Variants in TRIM7 observed in about 807,000 individuals in gnomAD.
TRIM7 encodes tripartite motif containing 7.
TRIM7 carries 32 observed loss-of-function variants against 37.9 expected under a neutral mutation model. The ratio of observed to expected loss-of-function variants is 0.84; its 90% CI spans 0.64 to 1.13. TRIM7 has a LOEUF of 1.13. Ranked by LOEUF, TRIM7 falls within the 50% of genes most tolerant of loss-of-function variation. TRIM7 has a pLI of 0.00. For missense variants in TRIM7, 732 were observed against 714.0 expected (o/e 1.03, Z -0.29); for synonymous variants, 351 against 321.3 (o/e 1.09, Z -0.99).
chr5:181,203,910 C>G (rs967810827), intron 1 of TRIM7: 21 of 1,187,384 alleles, frequency 1.8e-5, no homozygotes, highest in Non-Finnish European at 2.0e-5. Flanking sequence ...TACTCTCCGC[C>G]CCCCCACCAG....
At chr5:181,196,799 G>A (rs1305899499) in intron 6 of TRIM7, 2 of 152,218 alleles carry the variant, frequency 1.3e-5, no homozygotes, top group African/African-American at 2.4e-5. Context: ...CGGACGGTGA[G>A]AGATGGGTAT....
Position 181,204,779 on chromosome 5 carries a change from G to A in TRIM7, c.332C>T (p.Ala111Val). ...CTGAGACCCGTGCTCTCCCGGGGCA[G>A]CCGCGGGCAGGCTGAAGCGCCGCAG... Reference protein sequence around the residue: ...TLLRRFSLPAAAPGEHGSQAA... With the variant: ...TLLRRFSLPAVAPGEHGSQAA... The change falls in exon 1 of 7, where the codon GCT becomes GTT. Residue 111 changes from alanine (A) to valine (V), a missense_variant. Transcript: ENST00000274773. 7.0e-7 allele frequency: 1 copy of A among 1,429,264 alleles called. No homozygotes were observed. The highest frequency in any genetic ancestry group is 9.1e-7 in the Non-Finnish European group (1 of 1,100,712). The allele number at this position is 1,429,264 out of a possible 1,614,324, so 88.5% of individuals were successfully genotyped here. A position where few individuals can be genotyped will look rare whatever the true frequency, so the allele number is the denominator to read the frequency against.
chr5:181,199,768 C>G (rs968854391), intron 3 of TRIM7, 83 bp downstream of exon 3: 101 of 1,488,986 alleles, frequency 6.8e-5, no homozygotes, highest in Non-Finnish European at 8.7e-5. Context: ...CTCCTAGACC[C>G]CCCAGGACTG....
rs895188500 is a variant in TRIM7, at chr5:181,194,868, G to A, written c.*298C>T. On this transcript the variant is annotated 3_prime_UTR_variant, in exon 7 of 7. Coordinates refer to ENST00000274773, the MANE Select transcript of TRIM7 (RefSeq NM_203293.3). The stretch of plus-strand genomic sequence containing the variant: ...GAGCCAGGCACCCTTCCCAGTCAGG[G>A]CAGAAGCCCCCTGGAGAGCTGGGCT... 2 of 341,492 alleles carry A rather than the reference G, an allele frequency of 5.9e-6. No individual in the cohort carries two copies. Among genetic ancestry groups the A allele is most frequent in the South Asian group, 8.2e-5 (1 of 12,168 alleles). The allele number at this position is 341,492 out of a possible 1,614,324, so 21.2% of individuals were successfully genotyped here. A position where few individuals can be genotyped will look rare whatever the true frequency, so the allele number is the denominator to read the frequency against.
chr5:181,195,858 C>G (rs577774793), intron 6 of TRIM7, 181 bp from the exon 7 acceptor site: 3 of 661,108 alleles, frequency 4.5e-6, no homozygotes, highest in Non-Finnish European at 7.0e-6. Context: ...TGCTTCCCCC[C>G]GCCCCGACCA....
intron 2 of TRIM7, among the ~76,000 whole-genome samples, chr5:181,201,772 A>T (rs1757501903): frequency 6.6e-6 from 1 of 152,160 alleles, no homozygotes; most frequent in South Asian, 2.1e-4. Flanking sequence ...GTGGGGGTGG[A>T]TGGATGGATG....
intron 2 of TRIM7, 186 bp from the exon 3 acceptor site, chr5:181,200,267 G>T (rs986363806): frequency 6.8e-7 from 1 of 1,461,232 alleles, no homozygotes; most frequent in Non-Finnish European, 9.0e-7. Flanking sequence ...GCTGTAGTCT[G>T]GACACATGCT....
chr5:181,200,208 C>T, intron 2 of TRIM7, 127 bp from the exon 3 acceptor site: 6 of 1,574,080 alleles, frequency 3.8e-6, no homozygotes, highest in South Asian at 1.2e-5. Flanking sequence ...GACACACCCA[C>T]CTACGCACGC....
chr5:181,199,076 G>C lies in TRIM7; in HGVS notation c.872+19C>G, dbSNP rs746942365. On this transcript the variant is annotated intron_variant, in intron 4 of 6. Transcript: ENST00000274773. ...AAGAAGCAACTTAGAGAGGCCCCAG[G>C]AGCTGTGAGGTCACTCACCTGCTCA... The C allele has an allele frequency of 1.7e-5, 28 of 1,614,086 alleles. No individual in the cohort carries two copies. Among genetic ancestry groups the C allele is most frequent in the Non-Finnish European group, 2.1e-5 (25 of 1,180,024 alleles).
intron 3 of TRIM7, 110 bp from the exon 4 acceptor site, chr5:181,199,227 G>A: frequency 1.5e-6 from 2 of 1,305,018 alleles, no homozygotes; most frequent in Admixed American, 1.7e-5. Context: ...ATAAGCAAGT[G>A]TGCCACGCCT....
chr5:181,205,101 C>G lies in TRIM7; in HGVS notation c.10G>C (p.Val4Leu), dbSNP rs1021523196. Residue 4 changes from valine (V) to leucine (L), a missense_variant, in exon 1 of 7, where the codon GTG (valine) becomes CTG (leucine). Coordinates refer to ENST00000274773, the MANE Select transcript of TRIM7 (RefSeq NM_203293.3). ...GTTCCGGGGCCGGTCCGCGGTCCCA[C>G]AGCCGCCATGCGCGCTCTCCGCGCA... MAA[V>L]GPRTGPGTGA... The G allele has an allele frequency of 7.5e-7, 1 of 1,330,756 alleles. No homozygotes were observed. The highest frequency in any genetic ancestry group is 9.6e-7 in the Non-Finnish European group (1 of 1,042,394). The allele number at this position is 1,330,756 out of a possible 1,614,324, so 82.4% of individuals were successfully genotyped here. A position where few individuals can be genotyped will look rare whatever the true frequency, so the allele number is the denominator to read the frequency against.
Position 181,205,091 on chromosome 5 carries a change from C to T in TRIM7, c.20G>A (p.Arg7Gln), listed in dbSNP as rs1757745489. The change falls in exon 1 of 7, where the codon CGG becomes CAG. Residue 7 changes from arginine (R) to glutamine (Q), a missense_variant. Arg to Gln is a conservative substitution (Grantham distance 43). Coordinates refer to ENST00000274773, the MANE Select transcript of TRIM7 (RefSeq NM_203293.3). MAAVGPRTGPGTGAEAL... is the reference protein window; with the variant it reads MAAVGPQTGPGTGAEAL... ...CTCGGCGCCGGTTCCGGGGCCGGTCCGCGGTCCCACAGCCGCCATGCGCGC... is the reference window on the plus strand; with the variant it reads ...CTCGGCGCCGGTTCCGGGGCCGGTCTGCGGTCCCACAGCCGCCATGCGCGC... 8.9e-6 allele frequency: 12 copies of T among 1,346,310 alleles called. No homozygotes were observed. The highest frequency in any genetic ancestry group is 1.0e-5 in the Non-Finnish European group (11 of 1,051,466). The allele number at this position is 1,346,310 out of a possible 1,614,324, so 83.4% of individuals were successfully genotyped here.
In TRIM7 at chr5:181,195,052, G is replaced by A. The variant is rs1757005479; in HGVS notation, c.*114C>T. 15 of 1,343,834 alleles carry A rather than the reference G, an allele frequency of 1.1e-5. No homozygotes were observed. Among genetic ancestry groups the A allele is most frequent in the Non-Finnish European group, 1.4e-5 (14 of 986,090 alleles). 83.2% of individuals were successfully genotyped at this position (1,343,834 alleles called of 1,614,324 possible). A position where few individuals can be genotyped will look rare whatever the true frequency, so the allele number is the denominator to read the frequency against. On this transcript the variant is annotated 3_prime_UTR_variant, in exon 7 of 7. Transcript: ENST00000274773. Reference sequence around the variant, plus strand: ...GTTGTGTCTGTAGCAGGCTCTCTTGGGCAGCAGGGGTCAGGAGCACGGAGG... The same window carrying A: ...GTTGTGTCTGTAGCAGGCTCTCTTGAGCAGCAGGGGTCAGGAGCACGGAGG...
chr5:181,200,133 T>A (rs1757387418), intron 2 of TRIM7, 52 bp from the exon 3 acceptor site: 2 of 1,614,176 alleles, frequency 1.2e-6, no homozygotes, highest in African/African-American at 2.7e-5. Flanking sequence ...GACATAACAT[T>A]TGGCCAGTGG....
At chr5:181,200,374 C>G in intron 2 of TRIM7, 1 of 1,386,742 alleles carries the variant, frequency 7.2e-7, no homozygotes. Context: ...AGAACTACGC[C>G]AAGCTGCAGC....
chr5:181,200,644 C>A (rs1757426086), intron 2 of TRIM7: 2 of 1,000,576 alleles, frequency 2.0e-6, no homozygotes, highest in Non-Finnish European at 2.4e-6. Context: ...TAGCAGCACA[C>A]CCCCAAGGAA....
Position 181,205,084 on chromosome 5 carries a change from G to T in TRIM7, c.27C>A (p.Gly9=). ...CTAGAGCCTCGGCGCCGGTTCCGGGGCCGGTCCGCGGTCCCACAGCCGCCA... is the reference window on the plus strand; with the variant it reads ...CTAGAGCCTCGGCGCCGGTTCCGGGTCCGGTCCGCGGTCCCACAGCCGCCA... The part of the protein sequence containing the change: MAAVGPRT[G]PGTGAEALAL... Residue 9 remains glycine, a synonymous_variant, in exon 1 of 7, where the codon GGC becomes GGA. Coordinates refer to ENST00000274773, the MANE Select transcript of TRIM7 (RefSeq NM_203293.3). The T allele has an allele frequency of 7.4e-7, 1 of 1,357,976 alleles. No homozygotes were observed. Among genetic ancestry groups the T allele is most frequent in the East Asian group, 3.1e-5 (1 of 32,366 alleles). 84.1% of individuals were successfully genotyped at this position (1,357,976 alleles called of 1,614,324 possible).
rs1346303434 is a variant in TRIM7, at chr5:181,195,112, G to A, written c.*54C>T. On this transcript the variant is annotated 3_prime_UTR_variant, in exon 7 of 7. Transcript: ENST00000274773. The stretch of plus-strand genomic sequence containing the variant: ...AGACGGACCAGGCATCTCTGGGGAG[G>A]CGACATCCCCTCCCACCGGCAGCCC... 4 of 1,545,792 alleles carry A rather than the reference G, an allele frequency of 2.6e-6. No homozygotes were observed. The highest frequency in any genetic ancestry group is 2.6e-6 in the Non-Finnish European group (3 of 1,143,360).
At chr5:181,200,263 G>A in intron 2 of TRIM7, 182 bp from the exon 3 acceptor site, 1 of 1,467,746 alleles carries the variant, frequency 6.8e-7, no homozygotes, top group Non-Finnish European at 9.0e-7. Flanking sequence ...ACAAGCTGTA[G>A]TCTGGACACA....
Sources: gnomAD v4.1 joint callset for allele counts (sites outside exome capture counted in the v4.1 genomes callset) on GRCh38, gnomAD v4.1.1 for gene constraint, MANE v1.5 for transcripts, NCBI Gene and HGNC (gene_info 2026-07-23, HGNC 2026-07-21) for gene names.